The following KITLG variants were observed in gnomAD, a reference collection of about 807,000 sequenced individuals.
KITLG encodes the protein KIT ligand.
KITLG carries 13 observed loss-of-function variants against 34.1 expected under a neutral mutation model. That is an observed-to-expected ratio of 0.38 (90% CI 0.25 to 0.61). The LOEUF is 0.61. KITLG is among the 20% of genes least tolerant of loss of function. The pLI is 0.60. For synonymous variants in KITLG, 110 were observed against 104.0 expected (o/e 1.06, Z -0.35); for missense variants, 292 against 318.9 (o/e 0.92, Z 0.64).
intron 1 of KITLG, among the ~76,000 whole-genome samples, chr12:88,556,802 G>T (rs151073730): frequency 1.9e-3 from 283 of 152,184 alleles, no homozygotes; most frequent in African/African-American, 6.6e-3. Flanking sequence ...TACATGAGAG[G>T]GAAATCAGTT....
chr12:88,566,523 C>T (rs1250090875), intron 1 of KITLG, among the ~76,000 whole-genome samples: 1 of 152,086 alleles, frequency 6.6e-6, no homozygotes, highest in African/African-American at 2.4e-5. Flanking sequence ...GGAAAAAGAG[C>T]AAACAAAAGT....
intron 4 of KITLG, among the ~76,000 whole-genome samples, chr12:88,517,843 C>T (rs1869509692): frequency 6.6e-6 from 1 of 151,998 alleles, no homozygotes; most frequent in Non-Finnish European, 1.5e-5. Flanking sequence ...TTAGATGGGA[C>T]ACAGGAAAAA....
intron 1 of KITLG, among the ~76,000 whole-genome samples, chr12:88,570,804 C>A (rs1287723924): frequency 6.6e-6 from 1 of 152,162 alleles, no homozygotes; most frequent in Non-Finnish European, 1.5e-5. Context: ...CATTTTGCTA[C>A]AATCGAATGA....
chr12:88,541,675 C>G (rs1305262975), intron 2 of KITLG, among the ~76,000 whole-genome samples: 1 of 152,096 alleles, frequency 6.6e-6, no homozygotes, highest in Non-Finnish European at 1.5e-5. Context: ...CCATTTAAAA[C>G]AAATGTTGCA....
chr12:88,514,062 A>C (rs1869372644), intron 6 of KITLG, among the ~76,000 whole-genome samples: 1 of 151,676 alleles, frequency 6.6e-6, no homozygotes. Context: ...AAACTTTTTG[A>C]CATCAAACAA....
chr12:88,511,860 T>G (rs887283596), intron 6 of KITLG, among the ~76,000 whole-genome samples: 8 of 152,060 alleles, frequency 5.3e-5, no homozygotes, highest in Admixed American at 4.6e-4. Context: ...CCAAGAAAGT[T>G]TAAAAACAAG....
At chr12:88,580,018 T>C (rs2121002671) in intron 1 of KITLG, 3 of 594,364 alleles carry the variant, frequency 5.0e-6, no homozygotes, top group Non-Finnish European at 9.0e-6. Flanking sequence ...AGCTCAAAAC[T>C]TAACTGCTGA....
intron 2 of KITLG, among the ~76,000 whole-genome samples, chr12:88,540,310 G>T (rs1398032206): frequency 6.6e-6 from 1 of 152,112 alleles, no homozygotes; most frequent in Non-Finnish European, 1.5e-5. Flanking sequence ...ATGATAGGTA[G>T]TTAAGGGGTC....
intron 4 of KITLG, among the ~76,000 whole-genome samples, chr12:88,517,442 G>C (rs1161970088): frequency 6.6e-6 from 1 of 152,074 alleles, no homozygotes; most frequent in African/African-American, 2.4e-5. Flanking sequence ...CAAAACAACT[G>C]AGAAATATAA....
chr12:88,537,597 CT>C (rs1870373942), intron 2 of KITLG, among the ~76,000 whole-genome samples: 2 of 151,714 alleles, frequency 1.3e-5, no homozygotes, highest in African/African-American at 4.8e-5. Flanking sequence ...AGTAATAAAC[CT>C]TCAAATGTAG....
At chr12:88,554,955 T>C (rs185588280) in intron 1 of KITLG, among the ~76,000 whole-genome samples, 517 of 152,288 alleles carry the variant, frequency 3.4e-3, no homozygotes, top group Non-Finnish European at 4.9e-3. Context: ...GGAGTCCAAA[T>C]TGGTGGGTGC....
intron 2 of KITLG, among the ~76,000 whole-genome samples, chr12:88,537,550 A>G (rs1471862122): frequency 6.6e-6 from 1 of 152,106 alleles, no homozygotes; most frequent in Non-Finnish European, 1.5e-5. Context: ...GATGGGATCA[A>G]TCATACCCCA....
At chr12:88,508,369 T>C (rs554885969) in intron 6 of KITLG, among the ~76,000 whole-genome samples, 1 of 152,312 alleles carries the variant, frequency 6.6e-6, no homozygotes, top group South Asian at 2.1e-4. Flanking sequence ...TGTATCAACA[T>C]CTTACAGGGA....
intron 1 of KITLG, among the ~76,000 whole-genome samples, chr12:88,549,917 C>A (rs1330326199): frequency 6.6e-6 from 1 of 151,996 alleles, no homozygotes; most frequent in Non-Finnish European, 1.5e-5. Flanking sequence ...GGAAGGAAGC[C>A]AAGACTTTAA....
rs754752448 is a variant in KITLG, at chr12:88,516,917, G to T, written c.364-427C>A. Among the ~76,000 whole-genome samples, 193 of 150,974 alleles carry T rather than the reference G, an allele frequency of 1.3e-3. 1 individual carries two copies. Among genetic ancestry groups the T allele is most frequent in the Non-Finnish European group, 2.2e-3 (148 of 67,662 alleles). On this transcript the variant is annotated intron_variant, in intron 4 of 9. Coordinates refer to ENST00000644744, the MANE Select transcript of KITLG (RefSeq NM_000899.5). ...AGAAAGTCAGATGATACTAAATATT[G>T]GCAAGGGAACTCTTACATACTGCTG... is the stretch of plus-strand genomic sequence containing the variant.
intron 4 of KITLG, among the ~76,000 whole-genome samples, chr12:88,516,949 T>C (rs1039707689): frequency 5.3e-5 from 8 of 151,800 alleles, no homozygotes; most frequent in African/African-American, 1.9e-4. Flanking sequence ...GCTGAGATAA[T>C]GTAAGTTGGT....
Position 88,580,435 on chromosome 12 carries a change from A to C in KITLG, c.-157T>G, listed in dbSNP as rs17015901. 1.1e-6 allele frequency: 1 copy of C among 896,572 alleles called. No homozygotes were observed. The highest frequency in any genetic ancestry group is 2.2e-5 in the Admixed American group (1 of 45,940). 55.5% of individuals were successfully genotyped at this position (896,572 alleles called of 1,614,324 possible). ...CCTCTCCACTGTCCCTGCTTCCCGC[A>C]GCGCTTCTAGTCTCGGCGCGAGGCG... On this transcript the variant is annotated 5_prime_UTR_variant, in exon 1 of 10. Coordinates refer to ENST00000644744, the MANE Select transcript of KITLG (RefSeq NM_000899.5).
chr12:88,544,960 C>G (rs1870664051), intron 2 of KITLG, among the ~76,000 whole-genome samples: 1 of 152,140 alleles, frequency 6.6e-6, no homozygotes, highest in Non-Finnish European at 1.5e-5. Flanking sequence ...GTTCTCTAGT[C>G]AGTATTTAAA....
chr12:88,515,878 TA>T (rs1869437259), intron 5 of KITLG, among the ~76,000 whole-genome samples: 2 of 151,724 alleles, frequency 1.3e-5, no homozygotes, highest in Admixed American at 1.3e-4. Context: ...AATTTCTCAT[TA>T]AAAAAAGAAA....
Sources: allele counts gnomAD v4.1 joint callset (sites outside exome capture counted in the v4.1 genomes callset), GRCh38; gene constraint gnomAD v4.1.1; transcripts MANE v1.5; gene names NCBI Gene and HGNC (gene_info 2026-07-23, HGNC 2026-07-21).